Variants in SFMBT2 observed in about 807,000 individuals in gnomAD.
SFMBT2 encodes the protein scm-like with four MBT domains protein 2.
SFMBT2 carries 38 observed loss-of-function variants against 110.1 expected under a neutral mutation model. The ratio of observed to expected loss-of-function variants is 0.35; its 90% CI spans 0.27 to 0.45. The LOEUF (loss-of-function observed/expected upper bound fraction) is 0.45, where lower values mean the gene tolerates loss of function less well. SFMBT2 is among the 20% of genes least tolerant of loss of function. The pLI is 1.00. For synonymous variants in SFMBT2, 425 were observed against 425.4 expected, an observed-to-expected ratio of 1.00 and a Z score of 0.01; for missense variants, 1,011 against 1,094.9, an observed-to-expected ratio of 0.92 and a Z score of 1.08.
intron 20 of SFMBT2, among the ~76,000 whole-genome samples, chr10:7,165,309 T>C (rs1213194188): frequency 1.3e-5 from 2 of 152,224 alleles, no homozygotes. Context: ...CGACAACACC[T>C]GTCAGTGACT....
chr10:7,230,991 C>T (rs1840099919), intron 9 of SFMBT2, among the ~76,000 whole-genome samples: 1 of 152,012 alleles, frequency 6.6e-6, no homozygotes, highest in Non-Finnish European at 1.5e-5. Flanking sequence ...CTTTTAGATC[C>T]CTCTGCTGTC....
intron 9 of SFMBT2, chr10:7,241,442 T>C (rs1285762483): frequency 4.3e-6 from 3 of 690,398 alleles, no homozygotes; most frequent in Admixed American, 6.3e-5. Flanking sequence ...CATGAAGAAA[T>C]ATTCTTTTGA....
chr10:7,331,601 G>A (rs1327085793), intron 4 of SFMBT2, among the ~76,000 whole-genome samples: 1 of 152,126 alleles, frequency 6.6e-6, no homozygotes, highest in Non-Finnish European at 1.5e-5. Context: ...GTCCACTGTG[G>A]TGGTAAAGAT....
At chr10:7,345,169 G>A (rs2131994163) in intron 4 of SFMBT2, among the ~76,000 whole-genome samples, 1 of 151,934 alleles carries the variant, frequency 6.6e-6, no homozygotes, top group South Asian at 2.1e-4. Context: ...GCTTCCCTGG[G>A]GTCTGCAAGT....
At chr10:7,220,350 G>T in intron 11 of SFMBT2, 61 bp downstream of exon 11, 1 of 1,479,184 alleles carries the variant, frequency 6.8e-7, no homozygotes, top group African/African-American at 1.4e-5. Flanking sequence ...TCCTCCACAC[G>T]TTGCCATTTC....
Position 7,185,349 on chromosome 10 carries a change from C to T in SFMBT2, c.1808+3275G>A, listed in dbSNP as rs1444509778. 3.3e-5 allele frequency among the ~76,000 whole-genome samples: 5 copies of T among 152,194 alleles called. No homozygotes were observed. The South Asian group carries it at 8.3e-4, about 25-fold the overall frequency. ...ACAAATGAACAAACAAAACCTTTTC[C>T]GGTGAAGTCTCTCAGTTAGGGAATC... is the stretch of plus-strand genomic sequence containing the variant. On this transcript the variant is annotated intron_variant, in intron 16 of 20. Coordinates refer to ENST00000397167, the MANE Select transcript of SFMBT2 (RefSeq NM_001387889.1).
At chr10:7,176,278 C>T (rs529777558) in intron 16 of SFMBT2, 113 bp from the exon 17 acceptor site, 33 of 1,174,456 alleles carry the variant, frequency 2.8e-5, no homozygotes, top group South Asian at 1.9e-4. Flanking sequence ...CAAAGCATAT[C>T]GCGTGCAGTT....
chr10:7,216,514 T>C (rs1324590681), intron 11 of SFMBT2, among the ~76,000 whole-genome samples: 1 of 152,226 alleles, frequency 6.6e-6, no homozygotes. Flanking sequence ...AAACCTATTT[T>C]TCTCATCAGT....
At chr10:7,223,985 C>G (rs567259910) in intron 10 of SFMBT2, among the ~76,000 whole-genome samples, 2 of 152,258 alleles carry the variant, frequency 1.3e-5, no homozygotes, top group Admixed American at 1.3e-4. Flanking sequence ...CATTCCAACA[C>G]CTGGGTCATG....
At chr10:7,285,650 C>A in intron 5 of SFMBT2, 1 of 499,448 alleles carries the variant, frequency 2.0e-6, no homozygotes, top group Non-Finnish European at 3.6e-6. Flanking sequence ...GCAAATTTTC[C>A]ATTTGCTGAT....
chr10:7,374,293 A>C (rs1303534094), intron 2 of SFMBT2, among the ~76,000 whole-genome samples: 2 of 152,052 alleles, frequency 1.3e-5, no homozygotes, highest in South Asian at 4.2e-4. Context: ...GGAAACACGC[A>C]CATTGAGGCG....
intron 7 of SFMBT2, among the ~76,000 whole-genome samples, chr10:7,272,235 C>T (rs1412312023): frequency 2.0e-5 from 3 of 152,176 alleles, no homozygotes; most frequent in East Asian, 1.9e-4. Context: ...ATTTCACCTC[C>T]TCCTAAACTC....
At chr10:7,319,888 C>CAGAGAGACAGAGAGACTAAGAG (rs1564438312) in intron 4 of SFMBT2, among the ~76,000 whole-genome samples, 13 of 110,868 alleles carry the variant, frequency 1.2e-4, no homozygotes. Context: ...GGGAGAGAGA[C>CAGAGAGACAGAGAGACTAAGAG]AGAGAGACAG....
chr10:7,213,356 G>A (rs1281457212), intron 11 of SFMBT2, among the ~76,000 whole-genome samples: 1 of 152,202 alleles, frequency 6.6e-6, no homozygotes, highest in Non-Finnish European at 1.5e-5. Flanking sequence ...GGCAGAGACA[G>A]CAGGTAGGAG....
intron 1 of SFMBT2, among the ~76,000 whole-genome samples, chr10:7,394,129 A>G (rs954353004): frequency 2.0e-5 from 3 of 151,976 alleles, no homozygotes; most frequent in African/African-American, 7.3e-5. Flanking sequence ...CCTCTCAAGT[A>G]GCTGGGATTA....
intron 1 of SFMBT2, among the ~76,000 whole-genome samples, chr10:7,385,889 A>C (rs1439054852): frequency 6.6e-6 from 1 of 152,094 alleles, no homozygotes; most frequent in Non-Finnish European, 1.5e-5. Context: ...AGTCCCAGCT[A>C]CTCAGGAGAC....
At position 7,253,039 on chromosome 10, in the gene SFMBT2, A is replaced by T. The variant is rs555184556; in HGVS notation, c.871-4390T>A. Among the ~76,000 whole-genome samples, 3 of 152,352 alleles carry T rather than the reference A, an allele frequency of 2.0e-5. No homozygotes were observed. The South Asian group carries it at 6.2e-4, about 32-fold the overall frequency. The stretch of plus-strand genomic sequence containing the variant: ...TGCCTACATAATGAAACTCCCATGA[A>T]CACCCTAAATGACAGAGTTGGGGTT... On this transcript the variant is annotated intron_variant, in intron 7 of 20. Transcript: ENST00000397167.
intron 10 of SFMBT2, among the ~76,000 whole-genome samples, chr10:7,226,274 G>C (rs949527643): frequency 3.3e-5 from 5 of 152,196 alleles, no homozygotes; most frequent in African/African-American, 1.2e-4. Flanking sequence ...AATCATAGAA[G>C]GATCCTTGAT....
intron 4 of SFMBT2, among the ~76,000 whole-genome samples, chr10:7,363,987 T>C (rs1844810666): frequency 6.6e-6 from 1 of 152,182 alleles, no homozygotes; most frequent in African/African-American, 2.4e-5. Flanking sequence ...CCAGGTATGG[T>C]TGCAGAATTT....
Sources: gnomAD v4.1 joint callset for allele counts (sites outside exome capture counted in the v4.1 genomes callset) on GRCh38, gnomAD v4.1.1 for gene constraint, MANE v1.5 for transcripts, NCBI Gene and HGNC (gene_info 2026-07-23, HGNC 2026-07-21) for gene names.